The following DCBLD1 variants were observed in gnomAD, a reference collection of about 807,000 sequenced individuals.
The protein encoded by DCBLD1 is discoidin, CUB and LCCL domain containing 1.
In DCBLD1, 57 loss-of-function variants were observed where a neutral mutation model predicts 71.5. The ratio of observed to expected loss-of-function variants is 0.80; its 90% CI spans 0.64 to 0.99. The LOEUF is 0.99. DCBLD1 is among the 50% of genes least tolerant of loss of function. DCBLD1 has a pLI of 0.00. For missense variants in DCBLD1, 891 were observed against 923.5 expected (o/e 0.96, Z 0.46); for synonymous variants, 380 against 363.8 (o/e 1.04, Z -0.51).
At chr6:117,485,968 ATATT>A (rs1193359005) in intron 1 of DCBLD1, among the ~76,000 whole-genome samples, 2 of 152,238 alleles carry the variant, frequency 1.3e-5, no homozygotes, top group Admixed American at 1.3e-4. Flanking sequence ...AGTGAGTTAT[ATATT>A]AATATTTCAG....
intron 7 of DCBLD1, among the ~76,000 whole-genome samples, chr6:117,537,834 T>C (rs1026042875): frequency 2.0e-5 from 3 of 151,770 alleles, no homozygotes; most frequent in Non-Finnish European, 4.4e-5. Context: ...AAGCAGAAAA[T>C]ATGTTTCTTT....
At chr6:117,538,989 T>C (rs951616413) in intron 8 of DCBLD1, 154 bp downstream of exon 8, 30 of 893,906 alleles carry the variant, frequency 3.4e-5, no homozygotes, top group African/African-American at 5.1e-5. Context: ...TTACATTCTT[T>C]CTGTGAAAAG....
chr6:117,491,416 T>G (rs1036631689), intron 1 of DCBLD1, among the ~76,000 whole-genome samples: 2 of 152,146 alleles, frequency 1.3e-5, no homozygotes, highest in Non-Finnish European at 1.5e-5. Context: ...GACAGAAAAA[T>G]GGCCCTGTAC....
At chr6:117,547,038 G>T (rs1274901276) in intron 14 of DCBLD1, among the ~76,000 whole-genome samples, 1 of 152,130 alleles carries the variant, frequency 6.6e-6, no homozygotes, top group African/African-American at 2.4e-5. Context: ...GTCCCAAAGG[G>T]TCACTTTTCC....
chr6:117,540,627 C>A (rs1779058884), intron 9 of DCBLD1, 41 bp from the exon 10 acceptor site: 11 of 1,611,628 alleles, frequency 6.8e-6, no homozygotes, highest in Non-Finnish European at 9.3e-6. Flanking sequence ...CCTAAAAACT[C>A]ACTAATAGAA....
At chr6:117,511,130 G>A (rs894856262) in intron 2 of DCBLD1, among the ~76,000 whole-genome samples, 1 of 152,146 alleles carries the variant, frequency 6.6e-6, no homozygotes, top group Non-Finnish European at 1.5e-5. Context: ...CAGTGTTTGT[G>A]TTGAAAGCCA....
chr6:117,534,652 T>C (rs548170841), intron 6 of DCBLD1, among the ~76,000 whole-genome samples: 14 of 152,262 alleles, frequency 9.2e-5, no homozygotes, highest in African/African-American at 3.4e-4. Context: ...ATCTTACTTT[T>C]GAACAAACAT....
intron 11 of DCBLD1, among the ~76,000 whole-genome samples, chr6:117,542,530 C>CT (rs1226293929): frequency 6.6e-6 from 1 of 151,988 alleles, no homozygotes; most frequent in East Asian, 1.9e-4. Flanking sequence ...TCAAAGTGTC[C>CT]TTTTTTTAGA....
At chr6:117,482,917 C>A in intron 1 of DCBLD1, 24 bp downstream of exon 1, 4 of 1,175,380 alleles carry the variant, frequency 3.4e-6, no homozygotes, top group Non-Finnish European at 4.2e-6. Flanking sequence ...GTCCGGCTGG[C>A]GGCGGGACCC....
At chr6:117,535,169 T>C (rs1183531795) in intron 6 of DCBLD1, among the ~76,000 whole-genome samples, 1 of 152,220 alleles carries the variant, frequency 6.6e-6, no homozygotes, top group African/African-American at 2.4e-5. Flanking sequence ...GTATTGCAGC[T>C]GAGGAAGAAG....
intron 1 of DCBLD1, among the ~76,000 whole-genome samples, chr6:117,486,105 C>G (rs185312772): frequency 1.6e-4 from 24 of 152,130 alleles, no homozygotes; most frequent in Admixed American, 1.1e-3. Flanking sequence ...CAATTTGAAC[C>G]CTTTAACCTT....
chr6:117,559,237 T>C (rs561808885), intron 14 of DCBLD1, among the ~76,000 whole-genome samples: 1 of 152,282 alleles, frequency 6.6e-6, no homozygotes, highest in Admixed American at 6.5e-5. Context: ...GTGCAACAGA[T>C]TTATTAACGG....
At chr6:117,539,055 T>C (rs1779001598) in intron 8 of DCBLD1, 200 bp from the exon 9 acceptor site, 1 of 694,018 alleles carries the variant, frequency 1.4e-6, no homozygotes, top group Non-Finnish European at 2.3e-6. Flanking sequence ...AATTCTTCAA[T>C]GGTGAAATCT....
At chr6:117,506,913 T>A (rs1777862645) in intron 2 of DCBLD1, among the ~76,000 whole-genome samples, 1 of 152,256 alleles carries the variant, frequency 6.6e-6, no homozygotes. Context: ...TATGGTGGCT[T>A]CTAATGATTC....
chr6:117,554,271 TA>T (rs1428636135), downstream of DCBLD1, among the ~76,000 whole-genome samples: 2 of 152,244 alleles, frequency 1.3e-5, no homozygotes, highest in Non-Finnish European at 2.9e-5. Flanking sequence ...TCCAGTACCA[TA>T]TTAAATACTT....
At chr6:117,537,119 A>G (rs764735232) in intron 6 of DCBLD1, 66 bp from the exon 7 acceptor site, 15 of 1,521,852 alleles carry the variant, frequency 9.9e-6, no homozygotes, top group East Asian at 2.3e-5. Context: ...CCTGGGATGT[A>G]GCTATATTAG....
chr6:117,537,165 G>C lies in DCBLD1; in HGVS notation c.720-20G>C. The C allele has an allele frequency of 1.2e-6, 2 of 1,613,828 alleles. No individual in the cohort carries two copies. Among genetic ancestry groups the C allele is most frequent in the Non-Finnish European group, 1.7e-6 (2 of 1,179,800 alleles). On this transcript the variant is annotated intron_variant, in intron 6 of 14. Coordinates refer to ENST00000338728, the MANE Select transcript of DCBLD1 (RefSeq NM_001366458.2). ...GTAGGTGAGCAACTTACCTTCTCAT[G>C]TTTGTCTTTATTGTTTCAGTGGTTC... is the stretch of plus-strand genomic sequence containing the variant.
intron 2 of DCBLD1, among the ~76,000 whole-genome samples, chr6:117,519,528 C>T (rs890935915): frequency 1.3e-5 from 2 of 152,142 alleles, no homozygotes; most frequent in Non-Finnish European, 2.9e-5. Context: ...ATGTGTTTGA[C>T]CTTTGTCTTC....
chr6:117,552,171 T>C (rs1198924717), downstream of DCBLD1, among the ~76,000 whole-genome samples: 1 of 152,182 alleles, frequency 6.6e-6, no homozygotes, highest in African/African-American at 2.4e-5. Flanking sequence ...TTTAGAACCA[T>C]ACAGAACTTG....
Sources: gnomAD v4.1 joint callset for allele counts (sites outside exome capture counted in the v4.1 genomes callset) on GRCh38, gnomAD v4.1.1 for gene constraint, MANE v1.5 for transcripts, NCBI Gene and HGNC (gene_info 2026-07-23, HGNC 2026-07-21) for gene names.